Variants in CAGE1 observed in about 807,000 individuals in gnomAD.
CAGE1 encodes cancer antigen 1, also known as cancer-associated gene 1 protein.
CAGE1 carries 66 observed loss-of-function variants against 94.9 expected under a neutral mutation model. That is an observed-to-expected ratio of 0.70 (90% CI 0.57 to 0.85). The LOEUF (loss-of-function observed/expected upper bound fraction) is 0.85. CAGE1 is among the 40% of genes least tolerant of loss of function. The pLI is 0.00. For missense variants in CAGE1, 865 were observed against 950.4 expected (o/e 0.91, Z 1.18); for synonymous variants, 319 against 321.0 (o/e 0.99, Z 0.07).
At chr6:7,357,648 T>C (rs967439029) in intron 9 of CAGE1, among the ~76,000 whole-genome samples, 2 of 152,162 alleles carry the variant, frequency 1.3e-5, no homozygotes, top group Admixed American at 6.5e-5. Flanking sequence ...GCCGGGTTTT[T>C]AGATTATCAT....
In CAGE1 at chr6:7,386,964, A is replaced by T. The variant is rs1371165372; in HGVS notation, c.195+15T>A. ...AATACATCTGAGCCTCCTGGAACTTATAAGCAATGCACACCTGAGGCAAGT... is the reference window on the plus strand; with the variant it reads ...AATACATCTGAGCCTCCTGGAACTTTTAAGCAATGCACACCTGAGGCAAGT... On this transcript the variant is annotated intron_variant, in intron 2 of 13. Transcript: ENST00000502583. The T allele has an allele frequency of 6.6e-7, 1 of 1,519,352 alleles. No homozygotes were observed. The highest frequency in any genetic ancestry group is 1.4e-5 in the African/African-American group (1 of 72,518). 94.1% of individuals were successfully genotyped at this position (1,519,352 alleles called of 1,614,324 possible).
At chr6:7,360,384 A>G (rs1252641864) in intron 9 of CAGE1, among the ~76,000 whole-genome samples, 2 of 152,154 alleles carry the variant, frequency 1.3e-5, no homozygotes, top group Admixed American at 1.3e-4. Context: ...AAGCCAGGGT[A>G]TTTAGCTCTA....
chr6:7,329,279 G>GAA, intron 13 of CAGE1: 1 of 380,270 alleles, frequency 2.6e-6, no homozygotes. Context: ...AAAAAGAAAA[G>GAA]AAAAAAAAAT....
At chr6:7,342,946 A>G (rs888514589) in intron 11 of CAGE1, among the ~76,000 whole-genome samples, 1 of 152,180 alleles carries the variant, frequency 6.6e-6, no homozygotes, top group African/African-American at 2.4e-5. Flanking sequence ...TTTGTTGAAG[A>G]TCAGTTGGCT....
At chr6:7,357,743 CAT>C (rs1760007408) in intron 9 of CAGE1, among the ~76,000 whole-genome samples, 1 of 151,938 alleles carries the variant, frequency 6.6e-6, no homozygotes. Flanking sequence ...ATTAATAACA[CAT>C]ATTTAAAGTG....
At chr6:7,350,797 C>T (rs554697115) in intron 11 of CAGE1, among the ~76,000 whole-genome samples, 2 of 152,202 alleles carry the variant, frequency 1.3e-5, no homozygotes, top group South Asian at 2.1e-4. Flanking sequence ...TAAACAATTA[C>T]ATCAAAAAGA....
chr6:7,385,058 C>A (rs12215463), intron 3 of CAGE1, among the ~76,000 whole-genome samples: 1 of 151,602 alleles, frequency 6.6e-6, no homozygotes, highest in South Asian at 2.1e-4. Context: ...CAGGCTGGAG[C>A]GCAATGGTGC....
chr6:7,343,176 G>A (rs1426620680), intron 11 of CAGE1, among the ~76,000 whole-genome samples: 6 of 98,948 alleles, frequency 6.1e-5, no homozygotes, highest in African/African-American at 1.3e-4. Flanking sequence ...GCGACAGTGC[G>A]AGACTCTGTC....
chr6:7,381,175 A>G (rs953142264), intron 3 of CAGE1, among the ~76,000 whole-genome samples: 2 of 152,176 alleles, frequency 1.3e-5, no homozygotes, highest in Non-Finnish European at 2.9e-5. Flanking sequence ...CTAGTACCTT[A>G]AAACATGACT....
chr6:7,384,937 A>G (rs1256511938), intron 3 of CAGE1, among the ~76,000 whole-genome samples: 1 of 152,114 alleles, frequency 6.6e-6, no homozygotes, highest in Non-Finnish European at 1.5e-5. Flanking sequence ...GACTCAAGCA[A>G]TCCTTCTGCC....
At position 7,329,890 on chromosome 6, in the gene CAGE1, T is replaced by G; in HGVS notation, c.2439-2A>C. On this transcript the variant is annotated splice_acceptor_variant, in intron 12 of 13. Transcript: ENST00000502583. LOFTEE classifies it high-confidence loss of function. The stretch of plus-strand genomic sequence containing the variant: ...GGATGATTTTCTAAGCTTTTTGATC[T>G]GTAAGAAATAGAAAGAAAATAATGT... The G allele has an allele frequency of 7.2e-7, 1 of 1,392,954 alleles. No individual in the cohort carries two copies. The highest frequency in any genetic ancestry group is 1.0e-6 in the Non-Finnish European group (1 of 996,426). The allele number at this position is 1,392,954 out of a possible 1,614,324, so 86.3% of individuals were successfully genotyped here. A position where few individuals can be genotyped will look rare whatever the true frequency, so the allele number is the denominator to read the frequency against.
Position 7,355,123 on chromosome 6 carries a change from T to A in CAGE1, c.2299-12A>T, listed in dbSNP as rs769772470. 2.5e-6 allele frequency: 4 copies of A among 1,569,988 alleles called. No homozygotes were observed. The highest frequency in any genetic ancestry group is 1.2e-5 in the South Asian group (1 of 84,500). On this transcript the variant is annotated splice_polypyrimidine_tract_variant and intron_variant, in intron 10 of 13. Coordinates refer to ENST00000502583, the MANE Select transcript of CAGE1 (RefSeq NM_001170692.2). ...TCATATGATGTAACCTTGAAAAAAA[T>A]AAGCTAAACCAATTATTTTTCATTC...
At chr6:7,371,982 C>CA (rs113092571) in intron 5 of CAGE1, among the ~76,000 whole-genome samples, 14,204 of 151,942 alleles carry the variant, frequency 0.093, 1,533 homozygotes, top group African/African-American at 0.26. Flanking sequence ...TCTTCGCTGC[C>CA]AAAAAAGCCT....
intron 11 of CAGE1, among the ~76,000 whole-genome samples, chr6:7,337,910 A>T (rs1759019398): frequency 1.3e-5 from 2 of 152,216 alleles, no homozygotes; most frequent in South Asian, 4.1e-4. Flanking sequence ...TGAATCAATA[A>T]ATGAACTTGG....
At chr6:7,353,696 TACACACACACACACAC>T (rs59990182) in intron 11 of CAGE1, among the ~76,000 whole-genome samples, 77 of 139,580 alleles carry the variant, frequency 5.5e-4, no homozygotes, top group East Asian at 3.6e-3. Context: ...TATATATATG[TACACACACACACACAC>T]ACACACACAC....
In CAGE1 at chr6:7,362,343, CTT is replaced by C. The variant is rs1760193549; in HGVS notation, c.2193+3123_2193+3124del. On this transcript the variant is annotated intron_variant, in intron 9 of 13. Coordinates refer to ENST00000502583, the MANE Select transcript of CAGE1 (RefSeq NM_001170692.2). The surrounding 1 kb of genome is among the most constrained non-coding windows in gnomAD (Gnocchi z 4.1). ...TCTAGGAGGAACTTACTATGAGCCT[CTT>C]TGAACTCTGAACATCAGTACCATTA... 2.0e-5 allele frequency among the ~76,000 whole-genome samples: 3 copies of C among 152,188 alleles called. No individual in the cohort carries two copies. The South Asian group carries it at 6.2e-4, about 32-fold the overall frequency.
rs545926619 is a variant in CAGE1 at position 7,328,873 on chromosome 6, A to AGTGTGT, written c.2478+970_2478+975dup. 1.7e-3 allele frequency among the ~76,000 whole-genome samples: 184 copies of AGTGTGT among 105,404 alleles called. 3 individuals are homozygous for AGTGTGT. The highest frequency in any genetic ancestry group is 4.2e-3 in the African/African-American group (119 of 28,276). The allele number at this position is 105,404 out of a possible 152,430, so 69.1% of individuals were successfully genotyped here. A position where few individuals can be genotyped will look rare whatever the true frequency, so the allele number is the denominator to read the frequency against. ...TGGAAGTACTACTCTGTATCTTATAAGTGTGTGTGTGTGTGTGTGTGTGTG... is the reference window on the plus strand; with the variant it reads ...TGGAAGTACTACTCTGTATCTTATAAGTGTGTGTGTGTGTGTGTGTGTGTGTGTGTG... On this transcript the variant is annotated intron_variant, in intron 13 of 13. Coordinates refer to ENST00000502583, the MANE Select transcript of CAGE1 (RefSeq NM_001170692.2).
At chr6:7,345,128 CATATT>C (rs1561851628) in intron 11 of CAGE1, among the ~76,000 whole-genome samples, 27 of 41,578 alleles carry the variant, frequency 6.5e-4, no homozygotes, top group African/African-American at 4.4e-3. Flanking sequence ...TCTTTAGATC[CATATT>C]GCTTTTAGGA....
At chr6:7,333,636 A>ATATATATAT (rs1491547347) in intron 12 of CAGE1, among the ~76,000 whole-genome samples, 3 of 43,610 alleles carry the variant, frequency 6.9e-5, no homozygotes, top group African/African-American at 1.4e-4. Flanking sequence ...CTATCTATCT[A>ATATATATAT]ACTATCTATA....
Sources: allele counts gnomAD v4.1 joint callset (sites outside exome capture counted in the v4.1 genomes callset), GRCh38; gene constraint gnomAD v4.1.1; non-coding constraint Gnocchi (gnomAD v3.1); transcripts MANE v1.5; gene names NCBI Gene and HGNC (gene_info 2026-07-23, HGNC 2026-07-21).